SNX10: variants seen among roughly 807,000 people sequenced by gnomAD.
SNX10 encodes sorting nexin-10.
A neutral mutation model predicts 28.5 loss-of-function variants in SNX10; 25 were observed. The ratio of observed to expected loss-of-function variants is 0.88; its 90% CI spans 0.64 to 1.22. The LOEUF is 1.22. Among genes scored for constraint, SNX10 ranks in the 50% most tolerant of loss-of-function variants. The pLI, the probability that SNX10 is intolerant of heterozygous loss-of-function variation, is 0.00. For synonymous variants in SNX10, 62 were observed against 81.4 expected, an observed-to-expected ratio of 0.76 and a Z score of 1.28; for missense variants, 223 against 242.6, an observed-to-expected ratio of 0.92 and a Z score of 0.54.
intron 1 of SNX10, among the ~76,000 whole-genome samples, chr7:26,329,275 G>T (rs559485104): frequency 6.6e-6 from 1 of 152,040 alleles, no homozygotes; most frequent in Non-Finnish European, 1.5e-5. Context: ...AGGCTCTTTC[G>T]GCCTTGGCTT....
chr7:26,342,719 A>G (rs1178690754), intron 1 of SNX10, among the ~76,000 whole-genome samples: 3 of 152,238 alleles, frequency 2.0e-5, no homozygotes, highest in African/African-American at 7.2e-5. Flanking sequence ...TTACAGTATT[A>G]GAGGTTGACC....
In SNX10 at chr7:26,298,481, T is replaced by C. The variant is rs115125864; in HGVS notation, c.-24+6395T>C. ...TGTGGGAAAATAGATTGTCACTATA[T>C]ATGGCGGAGAGTGTAAATTGGTACC... On this transcript the variant is annotated intron_variant, in intron 1 of 6. Coordinates refer to ENST00000338523, the MANE Select transcript of SNX10 (RefSeq NM_013322.3). 7.2e-3 allele frequency among the ~76,000 whole-genome samples: 1,099 copies of C among 152,310 alleles called. 12 individuals carry two copies. The highest frequency in any genetic ancestry group is 0.026 in the African/African-American group (1,065 of 41,576).
intron 1 of SNX10, among the ~76,000 whole-genome samples, chr7:26,318,808 A>G (rs1787194792): frequency 6.6e-6 from 1 of 152,168 alleles, no homozygotes; most frequent in Non-Finnish European, 1.5e-5. Context: ...TTTTTCTTGT[A>G]TACTTCCTAA....
chr7:26,360,730 A>G, intron 2 of SNX10: 3 of 891,242 alleles, frequency 3.4e-6, no homozygotes, highest in Non-Finnish European at 4.6e-6. Flanking sequence ...CAGTAAAACT[A>G]TCCAGAAGTG....
chr7:26,333,739 G>A (rs1787828137), intron 1 of SNX10, among the ~76,000 whole-genome samples: 1 of 152,104 alleles, frequency 6.6e-6, no homozygotes, highest in South Asian at 2.1e-4. Context: ...ATGTTTTGTT[G>A]GCAGGAGAGA....
At chr7:26,310,605 G>C (rs990029485) in intron 1 of SNX10, among the ~76,000 whole-genome samples, 2 of 152,052 alleles carry the variant, frequency 1.3e-5, no homozygotes, top group Admixed American at 6.6e-5. Flanking sequence ...TGGTGAGTTG[G>C]GGGTGGGGAG....
chr7:26,344,502 A>G (rs373010983), intron 1 of SNX10, among the ~76,000 whole-genome samples: 37 of 152,160 alleles, frequency 2.4e-4, no homozygotes, highest in East Asian at 1.5e-3. Context: ...GGTACTTCAT[A>G]CAAGTGGAAT....
intron 1 of SNX10, among the ~76,000 whole-genome samples, chr7:26,313,772 C>A (rs1364428820): frequency 6.6e-6 from 1 of 151,988 alleles, no homozygotes; most frequent in Non-Finnish European, 1.5e-5. Flanking sequence ...GTAATGAAAT[C>A]CTGAGTGCTG....
intron 2 of SNX10, among the ~76,000 whole-genome samples, chr7:26,359,874 G>C (rs1788997553): frequency 6.6e-6 from 1 of 151,988 alleles, no homozygotes; most frequent in Non-Finnish European, 1.5e-5. Context: ...GCCAGGATGG[G>C]CTCAATCTCT....
intron 2 of SNX10, among the ~76,000 whole-genome samples, chr7:26,350,783 C>T (rs1788566771): frequency 6.9e-6 from 1 of 144,678 alleles, no homozygotes; most frequent in Non-Finnish European, 1.5e-5. Flanking sequence ...AATTTACAGT[C>T]TTCTGTAAGC....
intron 2 of SNX10, among the ~76,000 whole-genome samples, chr7:26,350,933 G>T (rs944271865): frequency 3.3e-5 from 5 of 151,774 alleles, no homozygotes; most frequent in African/African-American, 9.7e-5. Flanking sequence ...CCCAGAGAAA[G>T]ATCTTCATTC....
At chr7:26,372,387 T>A (rs914984820) in intron 6 of SNX10, 104 bp from the exon 7 acceptor site, 1 of 768,502 alleles carries the variant, frequency 1.3e-6, no homozygotes, top group South Asian at 1.6e-5. Flanking sequence ...TGTCTCTCTT[T>A]GTGACTGGAG....
intron 1 of SNX10, among the ~76,000 whole-genome samples, chr7:26,330,686 G>A (rs568588617): frequency 5.3e-5 from 8 of 152,100 alleles, no homozygotes; most frequent in Non-Finnish European, 1.0e-4. Flanking sequence ...AGACATTGTG[G>A]CTCATAGGAG....
chr7:26,296,000 T>A (rs528566919), intron 1 of SNX10, among the ~76,000 whole-genome samples: 20 of 152,328 alleles, frequency 1.3e-4, no homozygotes, highest in African/African-American at 4.8e-4. Flanking sequence ...CCGGGTGTGG[T>A]GGCGCATGCC....
At chr7:26,329,605 C>T (rs541911454) in intron 1 of SNX10, among the ~76,000 whole-genome samples, 12 of 152,216 alleles carry the variant, frequency 7.9e-5, no homozygotes, top group African/African-American at 1.4e-4. Context: ...ACTCAACAAG[C>T]GTTAGTTTGC....
At chr7:26,351,799 G>A (rs1301075878) in intron 2 of SNX10, among the ~76,000 whole-genome samples, 1 of 151,860 alleles carries the variant, frequency 6.6e-6, no homozygotes, top group East Asian at 1.9e-4. Flanking sequence ...TGGGACTACA[G>A]GTGCCTGCCA....
intron 5 of SNX10, among the ~76,000 whole-genome samples, chr7:26,371,387 T>C (rs1789526567): frequency 6.6e-6 from 1 of 152,166 alleles, no homozygotes; most frequent in African/African-American, 2.4e-5. Context: ...TTTCTTCATA[T>C]AATTTTTAAT....
intron 2 of SNX10, among the ~76,000 whole-genome samples, chr7:26,359,948 G>A (rs150571931): frequency 1.1e-4 from 17 of 152,120 alleles, no homozygotes; most frequent in Non-Finnish European, 1.9e-4. Context: ...AAGCCACTGC[G>A]CCCGGCCTAT....
intron 1 of SNX10, among the ~76,000 whole-genome samples, chr7:26,330,247 C>G (rs987157894): frequency 1.3e-5 from 2 of 151,930 alleles, no homozygotes; most frequent in South Asian, 2.1e-4. Context: ...GTGGAGGGGT[C>G]GGCAAAGCCA....
Sources: gnomAD v4.1 joint callset for allele counts (sites outside exome capture counted in the v4.1 genomes callset) on GRCh38, gnomAD v4.1.1 for gene constraint, MANE v1.5 for transcripts, NCBI Gene and HGNC (gene_info 2026-07-23, HGNC 2026-07-21) for gene names.